Variants in CUX1 observed in about 807,000 individuals in gnomAD.
The protein encoded by CUX1 is protein CASP.
CUX1 carries 31 observed loss-of-function variants against 158.8 expected under a neutral mutation model. The ratio of observed to expected loss-of-function variants is 0.20; its 90% CI spans 0.15 to 0.26. CUX1 has a LOEUF of 0.26. Among genes scored for constraint, CUX1 ranks in the 10% least tolerant of loss-of-function variants. CUX1 has a pLI of 1.00. For synonymous variants in CUX1, 879 were observed against 862.1 expected, an observed-to-expected ratio of 1.02 and a Z score of -0.34; for missense variants, 1,589 against 2,014.6, an observed-to-expected ratio of 0.79 and a Z score of 4.04.
At chr7:101,835,306 T>G (rs1175806751) in intron 1 of CUX1, among the ~76,000 whole-genome samples, 1 of 152,182 alleles carries the variant, frequency 6.6e-6, no homozygotes, top group East Asian at 1.9e-4. Flanking sequence ...TCACCCACAT[T>G]GACTCATGCA....
intron 5 of CUX1, among the ~76,000 whole-genome samples, chr7:102,099,489 T>TTC (rs1554485624): frequency 4.1e-4 from 62 of 150,916 alleles, no homozygotes; most frequent in Admixed American, 6.6e-4. Flanking sequence ...TTTTTTTTTT[T>TTC]CCCCTTCATT....
Position 102,257,201 on chromosome 7 carries a change from C to T in CUX1, c.*8159C>T. ...GGTAGGCTGGGAAGAGCATCTCTTT[C>T]CATATCATCACCTCCCCTTCTCCAA... On this transcript the variant is annotated 3_prime_UTR_variant, in exon 24 of 24. Coordinates refer to ENST00000292535, the MANE Select transcript of CUX1 (RefSeq NM_181552.4). 1.0e-6 allele frequency: 1 copy of T among 985,408 alleles called. No homozygotes were observed. The highest frequency in any genetic ancestry group is 1.2e-6 in the Non-Finnish European group (1 of 829,934). 61.0% of individuals were successfully genotyped at this position (985,408 alleles called of 1,614,324 possible).
intron 3 of CUX1, among the ~76,000 whole-genome samples, chr7:102,054,655 A>G (rs113441666): frequency 0.057 from 8,676 of 152,154 alleles, 791 homozygotes; most frequent in African/African-American, 0.2. Flanking sequence ...CTTAGAATCA[A>G]CTTGTCAATT....
chr7:101,944,822 CCAGGTTG>C (rs1197246869), intron 2 of CUX1, among the ~76,000 whole-genome samples: 1 of 152,158 alleles, frequency 6.6e-6, no homozygotes, highest in East Asian at 1.9e-4. Flanking sequence ...GTGGGCACAC[CCAGGTTG>C]CATCTGTCGC....
intron 14 of CUX1, among the ~76,000 whole-genome samples, chr7:102,263,979 A>ATCGCG: frequency 7.0e-6 from 1 of 143,618 alleles, no homozygotes; most frequent in East Asian, 2.1e-4. Context: ...GGCATGAGCC[A>ATCGCG]CTATTCCCAG....
chr7:102,082,792 C>A (rs868973437), intron 4 of CUX1, among the ~76,000 whole-genome samples: 2 of 147,392 alleles, frequency 1.4e-5, no homozygotes, highest in South Asian at 4.3e-4. Flanking sequence ...TTAGTCCTTT[C>A]CTTTTTATTG....
In CUX1 at chr7:102,256,900, C is replaced by G. The variant is rs1563505326; in HGVS notation, c.*7858C>G. The G allele has an allele frequency of 1.0e-6, 1 of 985,324 alleles. No homozygotes were observed. The highest frequency in any genetic ancestry group is 1.2e-6 in the Non-Finnish European group (1 of 829,956). 61.0% of individuals were successfully genotyped at this position (985,324 alleles called of 1,614,324 possible). A position where few individuals can be genotyped will look rare whatever the true frequency, so the allele number is the denominator to read the frequency against. On this transcript the variant is annotated 3_prime_UTR_variant, in exon 24 of 24. Coordinates refer to ENST00000292535, the MANE Select transcript of CUX1 (RefSeq NM_181552.4). ...TGTTTTTCTTGCGTACAAAGTTGGTCAAAACCATCTTTCAAAGCAACAGTG... is the reference window on the plus strand; with the variant it reads ...TGTTTTTCTTGCGTACAAAGTTGGTGAAAACCATCTTTCAAAGCAACAGTG...
chr7:102,210,550 T>C (rs1796412062), intron 20 of CUX1, among the ~76,000 whole-genome samples: 1 of 152,240 alleles, frequency 6.6e-6, no homozygotes. Flanking sequence ...GTTTCATTGC[T>C]GTGGCTAACA....
At chr7:102,066,795 G>A (rs1825599403) in intron 3 of CUX1, among the ~76,000 whole-genome samples, 1 of 152,200 alleles carries the variant, frequency 6.6e-6, no homozygotes, top group Non-Finnish European at 1.5e-5. Flanking sequence ...GCTTACTCTA[G>A]ACATCTATAA....
At chr7:102,231,674 ATAGATTCT>A in intron 21 of CUX1, among the ~76,000 whole-genome samples, 1 of 151,906 alleles carries the variant, frequency 6.6e-6, no homozygotes, top group East Asian at 1.9e-4. Context: ...TGAAATGAAA[ATAGATTCT>A]TTTACCATGT....
At chr7:102,124,887 T>C (rs2131237454) in intron 8 of CUX1, among the ~76,000 whole-genome samples, 1 of 151,774 alleles carries the variant, frequency 6.6e-6, no homozygotes, top group East Asian at 1.9e-4. Flanking sequence ...GTTCAAGCAA[T>C]TTTTATGTCT....
intron 16 of CUX1, chr7:102,275,176 C>A (rs543412590): frequency 1.6e-4 from 185 of 1,140,340 alleles, no homozygotes; most frequent in South Asian, 1.3e-3. Flanking sequence ...GGCTGGGGGA[C>A]CCACCCCAAA....
At chr7:102,208,775 C>T (rs1302309750) in intron 20 of CUX1, among the ~76,000 whole-genome samples, 1 of 152,202 alleles carries the variant, frequency 6.6e-6, no homozygotes, top group Non-Finnish European at 1.5e-5. Context: ...CCCCCAGACC[C>T]AGAAGATGCT....
At chr7:101,873,178 CTTTTT>C (rs35246188) in intron 1 of CUX1, among the ~76,000 whole-genome samples, 2 of 119,706 alleles carry the variant, frequency 1.7e-5, no homozygotes, top group African/African-American at 6.4e-5. Context: ...GCCTCAGCTT[CTTTTT>C]TTTTTTTTTT....
At chr7:102,057,238 T>A (rs1485433170) in intron 3 of CUX1, among the ~76,000 whole-genome samples, 1 of 152,226 alleles carries the variant, frequency 6.6e-6, no homozygotes, top group Non-Finnish European at 1.5e-5. Context: ...TCATTGACAG[T>A]GCACCTGGTC....
intron 3 of CUX1, among the ~76,000 whole-genome samples, chr7:102,030,689 G>GTTTTTTTTTTTTTTTTTTTTTTGTTTTT (rs1585341128): frequency 1.2e-5 from 1 of 82,540 alleles, no homozygotes; most frequent in Non-Finnish European, 2.1e-5. Flanking sequence ...ATTTTAAAAA[G>GTTTTTTTTTTTTTTTTTTTTTTGTTTTT]TGTTTTTTTT....
chr7:101,936,012 G>C (rs942694690), intron 2 of CUX1, among the ~76,000 whole-genome samples: 4 of 152,158 alleles, frequency 2.6e-5, no homozygotes, highest in Admixed American at 2.6e-4. Context: ...ATTCAACAAC[G>C]ATCTGTTGTG....
chr7:102,018,741 TGCGTGC>T (rs1818979516), intron 2 of CUX1, among the ~76,000 whole-genome samples: 1 of 51,822 alleles, frequency 1.9e-5, no homozygotes, highest in African/African-American at 7.4e-5. Context: ...CTTGAGTGCG[TGCGTGC>T]GTGCGTGCGC....
At chr7:102,030,085 C>T (rs545226607) in intron 3 of CUX1, among the ~76,000 whole-genome samples, 1 of 151,576 alleles carries the variant, frequency 6.6e-6, no homozygotes, top group African/African-American at 2.4e-5. Context: ...AATCTCAGCT[C>T]GCTGCAACCT....
Sources: allele counts gnomAD v4.1 joint callset (sites outside exome capture counted in the v4.1 genomes callset), GRCh38; gene constraint gnomAD v4.1.1; transcripts MANE v1.5; gene names NCBI Gene and HGNC (gene_info 2026-07-23, HGNC 2026-07-21).